The following CCSER1 variants were observed in gnomAD, a reference collection of about 807,000 sequenced individuals.
CCSER1 encodes serine-rich coiled-coil domain-containing protein 1.
A neutral mutation model predicts 82.0 loss-of-function variants in CCSER1; 41 were observed. That is an observed-to-expected ratio of 0.50 (90% CI 0.39 to 0.65). The LOEUF is 0.65. Ranked by LOEUF, CCSER1 falls within the 30% of genes least tolerant of loss-of-function variation. The pLI, the probability that CCSER1 is intolerant of heterozygous loss-of-function variation, is 0.00. For missense variants in CCSER1, 1,119 were observed against 1,064.2 expected (o/e 1.05, Z -0.72); for synonymous variants, 414 against 383.9 (o/e 1.08, Z -0.92).
At chr4:91,024,975 G>A (rs561690716) in intron 9 of CCSER1, among the ~76,000 whole-genome samples, 4 of 152,024 alleles carry the variant, frequency 2.6e-5, no homozygotes, top group African/African-American at 4.8e-5. Flanking sequence ...TGTTAAAAGA[G>A]CACTATTGTA....
intron 10 of CCSER1, among the ~76,000 whole-genome samples, chr4:91,243,472 C>T (rs1032775279): frequency 6.6e-6 from 1 of 152,298 alleles, no homozygotes; most frequent in South Asian, 2.1e-4. Flanking sequence ...TCCATCAACT[C>T]CAGGCAGTCC....
At position 91,143,237 on chromosome 4, in the gene CCSER1, C is replaced by T. The variant is rs115298548; in HGVS notation, c.2217+57243C>T. ...GTTTCTAGGTATTTTTTTGTGTGTGCGGCTATTGTGAATTTGATTTTTTTT... is the reference window on the plus strand; with the variant it reads ...GTTTCTAGGTATTTTTTTGTGTGTGTGGCTATTGTGAATTTGATTTTTTTT... On this transcript the variant is annotated intron_variant, in intron 10 of 10. Coordinates refer to ENST00000509176, the MANE Select transcript of CCSER1 (RefSeq NM_001145065.2). Among the ~76,000 whole-genome samples the T allele has an allele frequency of 6.3e-3, 932 of 148,492 alleles. 8 individuals carry two copies. Among genetic ancestry groups the T allele is most frequent in the African/African-American group, 0.022 (875 of 40,624 alleles).
In CCSER1 at chr4:90,309,850, A is replaced by G. The variant is rs143479720; in HGVS notation, c.1324+242A>G. 5.3e-5 allele frequency among the ~76,000 whole-genome samples: 8 copies of G among 152,228 alleles called. No homozygotes were observed. The East Asian group carries it at 5.8e-4, about 11-fold the overall frequency. On this transcript the variant is annotated intron_variant, in intron 2 of 10. Transcript: ENST00000509176. ...TCATTTTTTCTCACTTATGTTATCCATAACTAAGAAGCAGCCTCTTAGTTA... is the reference window on the plus strand; with the variant it reads ...TCATTTTTTCTCACTTATGTTATCCGTAACTAAGAAGCAGCCTCTTAGTTA...
intron 1 of CCSER1, among the ~76,000 whole-genome samples, chr4:90,235,988 C>G (rs1745718466): frequency 6.6e-6 from 1 of 152,078 alleles, no homozygotes; most frequent in Admixed American, 6.5e-5. Flanking sequence ...GTCTCCCAGG[C>G]TGGAATGCAG....
intron 6 of CCSER1, among the ~76,000 whole-genome samples, chr4:90,645,613 G>A (rs918158277): frequency 2.0e-5 from 3 of 152,108 alleles, no homozygotes; most frequent in Non-Finnish European, 4.4e-5. Context: ...GCTTTGGAAA[G>A]GCTCACAATC....
intron 10 of CCSER1, among the ~76,000 whole-genome samples, chr4:91,389,501 T>C (rs919753396): frequency 2.0e-5 from 3 of 152,030 alleles, no homozygotes; most frequent in Non-Finnish European, 4.4e-5. Flanking sequence ...GGTCTCAAAG[T>C]TAGGTAGTGT....
At chr4:90,402,283 A>AATATATAAAT (rs1243537914) in intron 4 of CCSER1, among the ~76,000 whole-genome samples, 1 of 152,230 alleles carries the variant, frequency 6.6e-6, no homozygotes, top group Non-Finnish European at 1.5e-5. Context: ...ACTTATCTGA[A>AATATATAAAT]ATATATAAAC....
At chr4:91,094,557 A>G (rs879427855) in intron 10 of CCSER1, among the ~76,000 whole-genome samples, 3 of 152,152 alleles carry the variant, frequency 2.0e-5, no homozygotes, top group Non-Finnish European at 4.4e-5. Flanking sequence ...GGAGATTGTC[A>G]AGGAACTATA....
chr4:91,343,564 C>T (rs1457950560), intron 10 of CCSER1, among the ~76,000 whole-genome samples: 2 of 152,016 alleles, frequency 1.3e-5, no homozygotes, highest in East Asian at 3.9e-4. Context: ...TGGATTATAC[C>T]AGAAATGATT....
At chr4:90,912,247 G>A (rs1225788213) in intron 8 of CCSER1, among the ~76,000 whole-genome samples, 1 of 152,180 alleles carries the variant, frequency 6.6e-6, no homozygotes, top group African/African-American at 2.4e-5. Flanking sequence ...CCCAGTAGGG[G>A]CAGACTGACA....
chr4:90,328,009 T>A (rs1472206590), intron 3 of CCSER1, among the ~76,000 whole-genome samples: 1 of 152,216 alleles, frequency 6.6e-6, no homozygotes, highest in African/African-American at 2.4e-5. Context: ...TTTGGAGGCT[T>A]CTTCACACCC....
At chr4:91,297,387 G>A (rs1225769442) in intron 10 of CCSER1, among the ~76,000 whole-genome samples, 1,033 of 76,666 alleles carry the variant, frequency 0.013, 8 homozygotes, top group African/African-American at 0.058. Flanking sequence ...GTGTGTGTAT[G>A]TGTGTGTGTG....
chr4:91,377,472 G>A (rs1038356473), intron 10 of CCSER1, among the ~76,000 whole-genome samples: 1 of 152,118 alleles, frequency 6.6e-6, no homozygotes, highest in Non-Finnish European at 1.5e-5. Flanking sequence ...TCTCATTGTG[G>A]TTTTGATTTG....
At chr4:91,189,321 T>C (rs1734819827) in intron 10 of CCSER1, among the ~76,000 whole-genome samples, 1 of 152,066 alleles carries the variant, frequency 6.6e-6, no homozygotes, top group Non-Finnish European at 1.5e-5. Flanking sequence ...GCCCTGGATC[T>C]AAAAAATCAG....
chr4:90,600,048 C>G (rs1171308195), intron 5 of CCSER1, among the ~76,000 whole-genome samples: 1 of 152,060 alleles, frequency 6.6e-6, no homozygotes, highest in Non-Finnish European at 1.5e-5. Flanking sequence ...TATCAGTAGG[C>G]TATTTATTCT....
At chr4:90,920,566 A>G (rs1171461706) in intron 8 of CCSER1, among the ~76,000 whole-genome samples, 1 of 151,910 alleles carries the variant, frequency 6.6e-6, no homozygotes, top group Non-Finnish European at 1.5e-5. Context: ...GGCTAATAGT[A>G]ATTCATTTTT....
At chr4:90,429,945 A>G (rs1758048368) in intron 4 of CCSER1, among the ~76,000 whole-genome samples, 1 of 151,866 alleles carries the variant, frequency 6.6e-6, no homozygotes, top group Non-Finnish European at 1.5e-5. Context: ...ATTTCAGCAG[A>G]CACTATGTGT....
chr4:91,271,737 C>T (rs973124073), intron 10 of CCSER1, among the ~76,000 whole-genome samples: 2 of 151,760 alleles, frequency 1.3e-5, no homozygotes, highest in Admixed American at 1.3e-4. Flanking sequence ...ATATGATACA[C>T]ATATATATAT....
intron 3 of CCSER1, among the ~76,000 whole-genome samples, chr4:90,317,120 T>A (rs564059379): frequency 2.6e-5 from 4 of 152,318 alleles, no homozygotes; most frequent in Admixed American, 2.6e-4. Context: ...GGTATATAAA[T>A]GTATACATGT....
Sources: allele counts gnomAD v4.1 joint callset (sites outside exome capture counted in the v4.1 genomes callset), GRCh38; gene constraint gnomAD v4.1.1; transcripts MANE v1.5; gene names NCBI Gene and HGNC (gene_info 2026-07-23, HGNC 2026-07-21).